The following ZDHHC21 variants were observed in gnomAD, a reference collection of about 807,000 sequenced individuals.
The protein encoded by ZDHHC21 is palmitoyltransferase ZDHHC21.
ZDHHC21 carries 15 observed loss-of-function variants against 34.6 expected under a neutral mutation model. That is an observed-to-expected ratio of 0.43 (90% CI 0.29 to 0.67). ZDHHC21 has a LOEUF of 0.67. ZDHHC21 is among the 30% of genes least tolerant of loss of function. The probability of loss-of-function intolerance (pLI) is 0.14; values close to 1 mark genes in which losing one functional copy is unlikely to be tolerated. For synonymous variants in ZDHHC21, 142 were observed against 101.8 expected (o/e 1.40, Z -2.38); for missense variants, 344 against 327.7 (o/e 1.05, Z -0.38).
intron 7 of ZDHHC21, among the ~76,000 whole-genome samples, chr9:14,644,294 C>G (rs1829906218): frequency 6.6e-6 from 1 of 152,114 alleles, no homozygotes; most frequent in Non-Finnish European, 1.5e-5. Flanking sequence ...ATCATTTATA[C>G]AGTTACATCA....
chr9:14,685,602 G>A (rs1379448753), intron 2 of ZDHHC21, among the ~76,000 whole-genome samples: 1 of 152,234 alleles, frequency 6.6e-6, no homozygotes, highest in Non-Finnish European at 1.5e-5. Flanking sequence ...TTACACTGCT[G>A]GTGGGACTGT....
intron 2 of ZDHHC21, among the ~76,000 whole-genome samples, chr9:14,681,263 T>G (rs1837320128): frequency 6.6e-6 from 1 of 152,194 alleles, no homozygotes; most frequent in Non-Finnish European, 1.5e-5. Flanking sequence ...CTCACTATGT[T>G]GCCCAGACTG....
intron 6 of ZDHHC21, among the ~76,000 whole-genome samples, chr9:14,659,390 C>A (rs916052964): frequency 9.9e-5 from 15 of 152,160 alleles, no homozygotes; most frequent in African/African-American, 3.6e-4. Context: ...TAAAAATCTA[C>A]CCCTGGTTGC....
At chr9:14,655,646 A>C (rs1437993454) in intron 7 of ZDHHC21, among the ~76,000 whole-genome samples, 1 of 151,896 alleles carries the variant, frequency 6.6e-6, no homozygotes, top group Non-Finnish European at 1.5e-5. Context: ...AAATCAGAAT[A>C]ATGTTTTCAC....
rs547457528 is a variant in ZDHHC21 at position 14,651,026 on chromosome 9, A to G, written c.504+7723T>C. Among the ~76,000 whole-genome samples, 10 of 152,144 alleles carry G rather than the reference A, an allele frequency of 6.6e-5. No homozygotes were observed. In the South Asian group the frequency reaches 2.1e-3, roughly 32 times the overall value. The stretch of plus-strand genomic sequence containing the variant: ...CATAATTTTAGAATTAAAGTGGTAT[A>G]CCATCAAAGATTAGCTGTATAATCT... On this transcript the variant is annotated intron_variant, in intron 7 of 9. Coordinates refer to ENST00000380916, the MANE Select transcript of ZDHHC21 (RefSeq NM_178566.6).
chr9:14,664,059 G>A (rs1268267790), intron 5 of ZDHHC21, among the ~76,000 whole-genome samples: 5 of 152,274 alleles, frequency 3.3e-5, no homozygotes, highest in South Asian at 2.1e-4. Context: ...CGTGAGCGAC[G>A]CAGAAGACGG....
intron 5 of ZDHHC21, among the ~76,000 whole-genome samples, chr9:14,663,736 G>A (rs899233131): frequency 9.9e-5 from 15 of 151,926 alleles, no homozygotes; most frequent in African/African-American, 3.4e-4. Flanking sequence ...TGAAAGTTGA[G>A]AAATTATCTC....
At chr9:14,636,108 T>C (rs564059478) in intron 8 of ZDHHC21, among the ~76,000 whole-genome samples, 18 of 152,246 alleles carry the variant, frequency 1.2e-4, no homozygotes, top group Admixed American at 3.9e-4. Flanking sequence ...TTAAAACATA[T>C]AGACTTTCTG....
At chr9:14,589,292 G>A in the ZDHHC21 span, 1 of 152,132 alleles carries the variant, frequency 6.6e-6, no homozygotes, top group Non-Finnish European at 1.5e-5. Flanking sequence ...GAAAGAATTG[G>A]AGAAAATGTA....
the ZDHHC21 span, among the ~76,000 whole-genome samples, chr9:14,605,902 A>G: frequency 6.6e-6 from 1 of 152,216 alleles, no homozygotes; most frequent in Non-Finnish European, 1.5e-5. Flanking sequence ...AATGTACAAA[A>G]CATTGAAGTT....
At position 14,674,401 on chromosome 9, in the gene ZDHHC21, A is replaced by G; in HGVS notation, c.-45-16T>C. On this transcript the variant is annotated splice_polypyrimidine_tract_variant and intron_variant, in intron 3 of 9. Transcript: ENST00000380916. ...AAGGATGATCCTAAGGAGAAGGAAC[A>G]AAGAAAATAATTACTTACATAGAAA... 1 of 1,479,774 alleles carries G rather than the reference A, an allele frequency of 6.8e-7. No individual in the cohort carries two copies. The highest frequency in any genetic ancestry group is 9.0e-7 in the Non-Finnish European group (1 of 1,110,534). 91.7% of individuals were successfully genotyped at this position (1,479,774 alleles called of 1,614,324 possible).
the ZDHHC21 span, among the ~76,000 whole-genome samples, chr9:14,592,264 C>A: frequency 6.6e-6 from 1 of 152,044 alleles, no homozygotes; most frequent in South Asian, 2.1e-4. Context: ...TCATCACAAT[C>A]TATTCTGGAT....
At chr9:14,662,902 G>C (rs888101837) in intron 5 of ZDHHC21, among the ~76,000 whole-genome samples, 1 of 152,142 alleles carries the variant, frequency 6.6e-6, no homozygotes, top group African/African-American at 2.4e-5. Flanking sequence ...AGAGAAGGAT[G>C]TCATATGGGT....
chr9:14,647,735 G>A (rs573693642), intron 7 of ZDHHC21, among the ~76,000 whole-genome samples: 144 of 152,200 alleles, frequency 9.5e-4, no homozygotes, highest in African/African-American at 3.3e-3. Flanking sequence ...ACTGGCTGCA[G>A]TCTTAGTCAC....
chr9:14,605,239 C>G, the ZDHHC21 span, among the ~76,000 whole-genome samples: 1 of 150,536 alleles, frequency 6.6e-6, no homozygotes, highest in African/African-American at 2.4e-5. Context: ...AGTGGGAATC[C>G]TGAATCATAT....
intron 2 of ZDHHC21, among the ~76,000 whole-genome samples, chr9:14,687,230 G>A (rs1288911575): frequency 6.6e-6 from 1 of 150,686 alleles, no homozygotes; most frequent in African/African-American, 2.5e-5. Context: ...CCAGTCACTT[G>A]CTGGCTTAAA....
At chr9:14,641,350 C>T (rs1308752100) in intron 7 of ZDHHC21, among the ~76,000 whole-genome samples, 1 of 151,988 alleles carries the variant, frequency 6.6e-6, no homozygotes, top group African/African-American at 2.4e-5. Flanking sequence ...ATATAGAATC[C>T]CTATAAAACA....
At chr9:14,619,955 T>A (rs1351182073) in intron 8 of ZDHHC21, among the ~76,000 whole-genome samples, 1 of 151,958 alleles carries the variant, frequency 6.6e-6, no homozygotes, top group South Asian at 2.1e-4. Flanking sequence ...AATATAACCT[T>A]TTATTACACT....
intron 8 of ZDHHC21, among the ~76,000 whole-genome samples, chr9:14,629,602 C>T (rs571315980): frequency 7.1e-4 from 108 of 152,190 alleles, no homozygotes; most frequent in Non-Finnish European, 1.2e-3. Context: ...ATGTACATAC[C>T]TACCTTAAAT....
Sources: allele counts gnomAD v4.1 joint callset (sites outside exome capture counted in the v4.1 genomes callset), GRCh38; gene constraint gnomAD v4.1.1; transcripts MANE v1.5; gene names NCBI Gene and HGNC (gene_info 2026-07-23, HGNC 2026-07-21).